Variants in DLGAP5 observed in about 807,000 individuals in gnomAD.
DLGAP5 encodes disks large-associated protein 5.
Under a neutral mutation model 99.6 loss-of-function variants are expected in DLGAP5, and 90 were observed. The ratio of observed to expected loss-of-function variants is 0.90; its 90% CI spans 0.76 to 1.08. DLGAP5 has a LOEUF of 1.08. DLGAP5 is among the 50% of genes least tolerant of loss of function. The probability of loss-of-function intolerance (pLI) is 0.00; values close to 1 mark genes in which losing one functional copy is unlikely to be tolerated. For missense variants in DLGAP5, 1,036 were observed against 983.5 expected (o/e 1.05, Z -0.71); for synonymous variants, 311 against 321.3 (o/e 0.97, Z 0.34).
In DLGAP5 at chr14:55,154,732, T is replaced by A; in HGVS notation, c.1948A>T (p.Ser650Cys). The change falls in exon 15 of 19, where the codon AGT becomes TGT. Residue 650 changes from serine (S) to cysteine (C), a missense_variant. Physicochemically the swap from Ser to Cys is moderately radical, Grantham distance 112 (BLOSUM62 -1). Coordinates refer to ENST00000247191, the MANE Select transcript of DLGAP5 (RefSeq NM_014750.5). ...TGTGGAATGCCCATCTCATTTCTAC[T>A]CTGAGATACAGCTTTGTTGACAGAC... ...PKSVNKAVSQ[S>C]RNEMGIPQQT... The A allele has an allele frequency of 3.1e-6, 5 of 1,614,154 alleles. No individual in the cohort carries two copies. Among genetic ancestry groups the A allele is most frequent in the Non-Finnish European group, 4.2e-6 (5 of 1,179,970 alleles).
chr14:55,177,438 C>A, intron 7 of DLGAP5, 102 bp from the exon 8 acceptor site: 1 of 1,076,704 alleles, frequency 9.3e-7, no homozygotes, highest in South Asian at 1.8e-5. Flanking sequence ...AATATATGTT[C>A]TATGTACATA....
At chr14:55,148,519 T>C (rs1300615043) in intron 18 of DLGAP5, 46 bp from the exon 19 acceptor site, 4 of 1,613,068 alleles carry the variant, frequency 2.5e-6, no homozygotes, top group Non-Finnish European at 2.5e-6. Context: ...CATCAAGAGT[T>C]TCACCAATTA....
At chr14:55,149,976 C>A (rs1346863257) in intron 18 of DLGAP5, among the ~76,000 whole-genome samples, 1 of 151,682 alleles carries the variant, frequency 6.6e-6, no homozygotes, top group Non-Finnish European at 1.5e-5. Context: ...TCGCTTGAAC[C>A]CAGGAGGCAG....
At chr14:55,172,626 A>AAAACAG (rs1437738554) in intron 10 of DLGAP5, among the ~76,000 whole-genome samples, 2 of 152,000 alleles carry the variant, frequency 1.3e-5, no homozygotes, top group Non-Finnish European at 2.9e-5. Context: ...CCTGTCTCAA[A>AAAACAG]AAACAGAAAC....
At chr14:55,188,832 A>C in intron 2 of DLGAP5, 110 bp downstream of exon 2, 11 of 702,378 alleles carry the variant, frequency 1.6e-5, no homozygotes, top group Non-Finnish European at 2.6e-5. Context: ...AGTTATTTAT[A>C]GAATGGTATT....
rs751444878 is a variant in DLGAP5, at chr14:55,170,742, G to A, written c.1347C>T (p.Phe449=). 5.0e-6 allele frequency: 8 copies of A among 1,613,634 alleles called. No homozygotes were observed. The highest frequency in any genetic ancestry group is 1.7e-4 in the Middle Eastern group (1 of 6,054). ...CCAATTCAAGTTTCCTGTCCCACTC[G>A]AAGCAATGTGAAGTTAATTTCTCAG... ...SETEKLTSHC[F]EWDRKLELDI... Residue 449 remains phenylalanine, a synonymous_variant, in exon 11 of 19, where the codon TTC becomes TTT. Transcript: ENST00000247191.
At chr14:55,163,673 C>T (rs903645122) in intron 12 of DLGAP5, among the ~76,000 whole-genome samples, 1 of 152,204 alleles carries the variant, frequency 6.6e-6, no homozygotes, top group Non-Finnish European at 1.5e-5. Context: ...GCTCCATACC[C>T]TCCCCAGCAC....
At chr14:55,168,988 A>G (rs1882745438) in intron 12 of DLGAP5, among the ~76,000 whole-genome samples, 1 of 152,040 alleles carries the variant, frequency 6.6e-6, no homozygotes, top group Non-Finnish European at 1.5e-5. Context: ...CATCCTGGCT[A>G]ACACGGTGAA....
chr14:55,166,558 C>T (rs1057382661), intron 12 of DLGAP5, among the ~76,000 whole-genome samples: 1 of 151,480 alleles, frequency 6.6e-6, no homozygotes, highest in Non-Finnish European at 1.5e-5. Flanking sequence ...GGTGAAACCC[C>T]GTCTCTACTA....
chr14:55,171,358 A>G (rs1882852100), intron 10 of DLGAP5, among the ~76,000 whole-genome samples: 1 of 152,328 alleles, frequency 6.6e-6, no homozygotes, highest in Admixed American at 6.5e-5. Flanking sequence ...GATGCTACAA[A>G]ACATCCTACG....
intron 10 of DLGAP5, among the ~76,000 whole-genome samples, 186 bp downstream of exon 10, chr14:55,175,160 T>C (rs1291563750): frequency 6.6e-6 from 1 of 152,198 alleles, no homozygotes; most frequent in Non-Finnish European, 1.5e-5. Flanking sequence ...ACTTGTACCT[T>C]TTCCTACCCT....
In DLGAP5 at chr14:55,154,720, T is replaced by C; in HGVS notation, c.1960A>G (p.Met654Val). The change falls in exon 15 of 19, where the codon ATG becomes GTG. Residue 654 changes from methionine (M) to valine (V), a missense_variant. Met to Val is a conservative substitution (Grantham distance 21). Coordinates refer to ENST00000247191, the MANE Select transcript of DLGAP5 (RefSeq NM_014750.5). Reference sequence around the variant, plus strand: ...GATGTAGTTTGTTGTGGAATGCCCATCTCATTTCTACTCTGAGATACAGCT... The same window carrying C: ...GATGTAGTTTGTTGTGGAATGCCCACCTCATTTCTACTCTGAGATACAGCT... ...NKAVSQSRNE[M>V]GIPQQTTSPE... 1 of 1,614,174 alleles carries C rather than the reference T, an allele frequency of 6.2e-7. No homozygotes were observed. Among genetic ancestry groups the C allele is most frequent in the Non-Finnish European group, 8.5e-7 (1 of 1,180,018 alleles).
chr14:55,180,334 C>G (rs1489466957), intron 6 of DLGAP5, among the ~76,000 whole-genome samples: 1 of 152,168 alleles, frequency 6.6e-6, no homozygotes, highest in African/African-American at 2.4e-5. Flanking sequence ...CTTAATATAT[C>G]ATGAACCATG....
chr14:55,183,325 T>C (rs1396531921), intron 3 of DLGAP5, among the ~76,000 whole-genome samples: 1 of 152,214 alleles, frequency 6.6e-6, no homozygotes, highest in African/African-American at 2.4e-5. Flanking sequence ...CCAAATCCTT[T>C]GCATAACATT....
intron 2 of DLGAP5, among the ~76,000 whole-genome samples, chr14:55,184,617 T>C (rs902306209): frequency 2.0e-5 from 3 of 152,140 alleles, no homozygotes; most frequent in African/African-American, 7.2e-5. Context: ...AGGGTAGTGT[T>C]TGCCTTGCTC....
chr14:55,159,295 A>C (rs528092910), intron 13 of DLGAP5, among the ~76,000 whole-genome samples: 161 of 152,300 alleles, frequency 1.1e-3, no homozygotes, highest in African/African-American at 3.7e-3. Flanking sequence ...TTATAATAAA[A>C]ATCACCTGCA....
At chr14:55,190,340 G>A (rs551926951) in intron 1 of DLGAP5, among the ~76,000 whole-genome samples, 2 of 148,254 alleles carry the variant, frequency 1.3e-5, no homozygotes, top group East Asian at 3.9e-4. Context: ...AGTTTAATTG[G>A]CACATGCCTT....
At chr14:55,173,272 C>CAAAAAAA in intron 10 of DLGAP5, among the ~76,000 whole-genome samples, 1 of 106,750 alleles carries the variant, frequency 9.4e-6, no homozygotes, top group Non-Finnish European at 2.1e-5. Flanking sequence ...CCCGTCTCTA[C>CAAAAAAA]AAAAAAAAAA....
chr14:55,167,366 T>C (rs1432499147), intron 12 of DLGAP5, among the ~76,000 whole-genome samples: 1 of 152,064 alleles, frequency 6.6e-6, no homozygotes, highest in African/African-American at 2.4e-5. Flanking sequence ...TGAAGGGTGC[T>C]AGTGAACCAA....
Sources: gnomAD v4.1 joint callset for allele counts (sites outside exome capture counted in the v4.1 genomes callset) on GRCh38, gnomAD v4.1.1 for gene constraint, MANE v1.5 for transcripts, NCBI Gene and HGNC (gene_info 2026-07-23, HGNC 2026-07-21) for gene names.